PLCL1: variants seen among roughly 807,000 people sequenced by gnomAD.
The protein encoded by PLCL1 is phospholipase C like 1 (inactive), also known as inactive phospholipase C-like protein 1.
PLCL1 carries 41 observed loss-of-function variants against 84.4 expected under a neutral mutation model. That is an observed-to-expected ratio of 0.49 (90% CI 0.38 to 0.63). PLCL1 has a LOEUF of 0.63. Ranked by LOEUF, PLCL1 falls within the 30% of genes least tolerant of loss-of-function variation. PLCL1 has a pLI of 0.00. For synonymous variants in PLCL1, 490 were observed against 488.3 expected (o/e 1.00, Z -0.05); for missense variants, 1,206 against 1,367.8 (o/e 0.88, Z 1.87).
At chr2:198,080,579 G>A (rs1407578251) in intron 1 of PLCL1, among the ~76,000 whole-genome samples, 2 of 152,160 alleles carry the variant, frequency 1.3e-5, no homozygotes, top group East Asian at 1.9e-4. Context: ...AAAGAACAGC[G>A]TGATTGCTCT....
At chr2:197,885,683 C>G (rs1008846368) in intron 1 of PLCL1, among the ~76,000 whole-genome samples, 4 of 152,204 alleles carry the variant, frequency 2.6e-5, no homozygotes, top group Admixed American at 6.5e-5. Context: ...CTCAGATAGG[C>G]CTTCTCTGAC....
intron 5 of PLCL1, among the ~76,000 whole-genome samples, chr2:198,141,497 T>G (rs1694386184): frequency 6.9e-6 from 1 of 145,328 alleles, no homozygotes. Context: ...AAAAAAAAAG[T>G]CTAACATGAC....
Position 198,093,914 on chromosome 2 carries a change from A to AT in PLCL1, c.2919+4859dup, listed in dbSNP as rs371895119. On this transcript the variant is annotated intron_variant, in intron 3 of 5. Transcript: ENST00000428675. The stretch of plus-strand genomic sequence containing the variant: ...ACTGACCCTGAGTTCATCTGCACAG[A>AT]TTTTTTCCCCTAAATTTAGCTTTCC... Among the ~76,000 whole-genome samples, 262 of 152,176 alleles carry AT rather than the reference A, an allele frequency of 1.7e-3. 2 individuals carry two copies. The highest frequency in any genetic ancestry group is 6.1e-3 in the African/African-American group (253 of 41,504).
intron 1 of PLCL1, among the ~76,000 whole-genome samples, chr2:197,937,421 C>A (rs1009810774): frequency 1.3e-5 from 2 of 152,170 alleles, no homozygotes; most frequent in African/African-American, 4.8e-5. Flanking sequence ...GATAATCTTT[C>A]CATTTATTTA....
chr2:198,090,710 A>G (rs1395927115), intron 3 of PLCL1, among the ~76,000 whole-genome samples: 1 of 152,240 alleles, frequency 6.6e-6, no homozygotes, highest in African/African-American at 2.4e-5. Flanking sequence ...GAATAGGTAT[A>G]ATTGCCATCT....
At chr2:197,825,572 A>T (rs1408711798) in intron 1 of PLCL1, among the ~76,000 whole-genome samples, 1 of 152,162 alleles carries the variant, frequency 6.6e-6, no homozygotes, top group East Asian at 1.9e-4. Flanking sequence ...CCCATCTCTC[A>T]CCCAAACTAA....
chr2:197,850,963 C>T (rs1053096780), intron 1 of PLCL1, among the ~76,000 whole-genome samples: 1 of 152,170 alleles, frequency 6.6e-6, no homozygotes, highest in African/African-American at 2.4e-5. Context: ...CGTTTGCTCT[C>T]CTAAAAATTG....
intron 1 of PLCL1, among the ~76,000 whole-genome samples, chr2:197,813,188 C>G (rs1467367340): frequency 6.6e-6 from 1 of 152,188 alleles, no homozygotes; most frequent in Non-Finnish European, 1.5e-5. Flanking sequence ...GGCCCTGCTC[C>G]CCTACAGGTC....
intron 1 of PLCL1, among the ~76,000 whole-genome samples, chr2:198,034,382 C>A (rs955912309): frequency 5.3e-5 from 8 of 152,122 alleles, no homozygotes; most frequent in African/African-American, 1.7e-4. Context: ...TGGGTATATA[C>A]CCAAAGGATT....
chr2:197,993,460 G>A (rs771188735), intron 1 of PLCL1, among the ~76,000 whole-genome samples: 1 of 152,122 alleles, frequency 6.6e-6, no homozygotes, highest in Non-Finnish European at 1.5e-5. Flanking sequence ...CATACAGATG[G>A]CACACTCCAG....
At chr2:197,814,968 A>G (rs754884994) in intron 1 of PLCL1, among the ~76,000 whole-genome samples, 11 of 152,188 alleles carry the variant, frequency 7.2e-5, no homozygotes, top group Non-Finnish European at 1.0e-4. Context: ...TTAAGGAAGG[A>G]AGCTATCTCT....
chr2:198,015,839 T>C (rs566317093), intron 1 of PLCL1, among the ~76,000 whole-genome samples: 15 of 152,188 alleles, frequency 9.9e-5, no homozygotes, highest in Non-Finnish European at 2.1e-4. Flanking sequence ...GCCAAAATTT[T>C]GAGTGCTCAT....
chr2:197,831,746 CTAAATTTGCCCACA>C (rs1276340111), intron 1 of PLCL1, among the ~76,000 whole-genome samples: 3 of 152,146 alleles, frequency 2.0e-5, no homozygotes, highest in Non-Finnish European at 4.4e-5. Flanking sequence ...AGCACTTATT[CTAAATTTGCCCACA>C]TAATTGGAAA....
chr2:197,906,353 T>A (rs1559041431), intron 1 of PLCL1, among the ~76,000 whole-genome samples: 1 of 151,970 alleles, frequency 6.6e-6, no homozygotes, highest in Non-Finnish European at 1.5e-5. Context: ...GTCAGGTTTG[T>A]CAAAGATCAG....
chr2:198,078,843 A>G (rs948293147), intron 1 of PLCL1, among the ~76,000 whole-genome samples: 5 of 152,106 alleles, frequency 3.3e-5, no homozygotes, highest in African/African-American at 9.7e-5. Flanking sequence ...AAATTTTTGT[A>G]CAATGCTTCA....
intron 1 of PLCL1, among the ~76,000 whole-genome samples, chr2:197,822,323 C>T (rs1033914307): frequency 1.2e-4 from 18 of 152,094 alleles, no homozygotes; most frequent in Admixed American, 9.8e-4. Context: ...CTGCTTTTGT[C>T]GTTTGAAAAA....
rs1270523887 is a variant in PLCL1, at chr2:198,149,220, C to T, written c.*2258C>T. 1.3e-5 allele frequency: 2 copies of T among 152,290 alleles called. No homozygotes were observed. Among genetic ancestry groups the T allele is most frequent in the Non-Finnish European group, 2.9e-5 (2 of 68,032 alleles). The allele number at this position is 152,290 out of a possible 1,614,324, so 9.4% of individuals were successfully genotyped here. The stretch of plus-strand genomic sequence containing the variant: ...GTATTATGCCTCCATGACATTGTTA[C>T]ATTCTATGAGGAGCATCTGTCTCCT... On this transcript the variant is annotated 3_prime_UTR_variant, in exon 6 of 6. Transcript: ENST00000428675.
At chr2:198,146,172 C>A (rs939499429) in intron 5 of PLCL1, among the ~76,000 whole-genome samples, 1 of 152,154 alleles carries the variant, frequency 6.6e-6, no homozygotes, top group Non-Finnish European at 1.5e-5. Context: ...TCTTTTTCTC[C>A]ATCTGCCAGG....
intron 1 of PLCL1, among the ~76,000 whole-genome samples, chr2:197,890,682 C>CTATA (rs1553500076): frequency 0.013 from 1,545 of 116,162 alleles, 60 homozygotes; most frequent in East Asian, 0.039. Flanking sequence ...TATTTTTTTG[C>CTATA]TATATATATA....
Sources: gnomAD v4.1 joint callset for allele counts (sites outside exome capture counted in the v4.1 genomes callset) on GRCh38, gnomAD v4.1.1 for gene constraint, MANE v1.5 for transcripts, NCBI Gene and HGNC (gene_info 2026-07-23, HGNC 2026-07-21) for gene names.